The following PCDHA5 variants were observed in gnomAD, a reference collection of about 807,000 sequenced individuals.
PCDHA5 encodes the protein protocadherin alpha 5.
A neutral mutation model predicts 61.6 loss-of-function variants in PCDHA5; 43 were observed. That is an observed-to-expected ratio of 0.70 (90% CI 0.55 to 0.90). PCDHA5 has a LOEUF of 0.90. PCDHA5 is among the 40% of genes least tolerant of loss of function. The pLI is 0.00. For missense variants in PCDHA5, 1,298 were observed against 1,222.7 expected, an observed-to-expected ratio of 1.06 and a Z score of -0.92; for synonymous variants, 627 against 543.9, an observed-to-expected ratio of 1.15 and a Z score of -2.13.
intron 1 of PCDHA5, among the ~76,000 whole-genome samples, chr5:140,900,040 G>A (rs1407235485): frequency 4.6e-5 from 7 of 152,046 alleles, no homozygotes; most frequent in Non-Finnish European, 8.8e-5. Flanking sequence ...GAATTCCTGG[G>A]CTCAAGTGAT....
rs374162485 is a variant in PCDHA5 at position 140,856,517 on chromosome 5, T to A, written c.2352+32390T>A. 8 of 1,598,368 alleles carry A rather than the reference T, an allele frequency of 5.0e-6. 1 individual carries two copies. Among genetic ancestry groups the A allele is most frequent in the Non-Finnish European group, 6.0e-6 (7 of 1,167,940 alleles). On this transcript the variant is annotated intron_variant, in intron 1 of 3. Coordinates refer to ENST00000529859, the MANE Select transcript of PCDHA5 (RefSeq NM_018908.3). ...CTCTCGATTTCCACTAGAAGGCGCA[T>A]CTGATGCGGATGTTGGAGAGAACGC...
chr5:140,960,308 C>A (rs1387326739), intron 1 of PCDHA5, among the ~76,000 whole-genome samples: 1 of 152,122 alleles, frequency 6.6e-6, no homozygotes, highest in African/African-American at 2.4e-5. Flanking sequence ...CAATACCAAC[C>A]TCATTAGGGT....
chr5:141,007,037 T>C (rs1413139986), intron 3 of PCDHA5, among the ~76,000 whole-genome samples: 1 of 152,170 alleles, frequency 6.6e-6, no homozygotes, highest in Non-Finnish European at 1.5e-5. Flanking sequence ...TTTATATCTA[T>C]GGATATGGCT....
intron 1 of PCDHA5, among the ~76,000 whole-genome samples, chr5:140,959,119 G>A (rs576475580): frequency 3.3e-5 from 5 of 152,160 alleles, no homozygotes; most frequent in East Asian, 3.9e-4. Context: ...GAAGGTGGGC[G>A]AGGTGAGCCC....
chr5:140,824,150 C>A (rs147799360), intron 1 of PCDHA5, 23 bp downstream of exon 1: 1 of 1,611,190 alleles, frequency 6.2e-7, no homozygotes, highest in African/African-American at 1.3e-5. Flanking sequence ...ATATTAACAT[C>A]CATCTTTCCC....
intron 1 of PCDHA5, chr5:140,841,151 T>C (rs1777047208): frequency 1.2e-6 from 1 of 800,306 alleles, no homozygotes; most frequent in Admixed American, 3.0e-5. Flanking sequence ...GATGTCGCTG[T>C]CTACCAAGAA....
At chr5:140,922,863 G>A (rs1429324543) in intron 1 of PCDHA5, among the ~76,000 whole-genome samples, 10 of 152,160 alleles carry the variant, frequency 6.6e-5, no homozygotes, top group Admixed American at 5.2e-4. Context: ...ACATAGACAA[G>A]GGGAAAAAAT....
In PCDHA5 at chr5:140,927,786, A is replaced by G. The variant is rs782728309; in HGVS notation, c.2353-51163A>G. 11 of 1,614,074 alleles carry G rather than the reference A, an allele frequency of 6.8e-6. No homozygotes were observed. The East Asian group carries it at 2.0e-4, about 29-fold the overall frequency. On this transcript the variant is annotated intron_variant, in intron 1 of 3. Transcript: ENST00000529859. ...GTGGGGAGGTGCAAGTAGCTGCTTC[A>G]CTAGGTCCGCCTGAAACGCTCTTGG...
At chr5:140,832,741 C>T (rs1477110560) in intron 1 of PCDHA5, among the ~76,000 whole-genome samples, 7 of 152,038 alleles carry the variant, frequency 4.6e-5, no homozygotes, top group African/African-American at 1.4e-4. Context: ...TACATAAATA[C>T]GATGATAGTA....
At chr5:140,978,587 T>C (rs1260706970) in intron 1 of PCDHA5, among the ~76,000 whole-genome samples, 5 of 152,250 alleles carry the variant, frequency 3.3e-5, no homozygotes, top group Admixed American at 6.5e-5. Context: ...GAATGTTCCC[T>C]TAATGGGGCA....
In PCDHA5 at chr5:140,822,413, C is replaced by T. The variant is rs1156477485; in HGVS notation, c.638C>T (p.Ala213Val). 3 of 1,613,914 alleles carry T rather than the reference C, an allele frequency of 1.9e-6. No homozygotes were observed. The African/African-American group carries it at 4.0e-5, about 22-fold the overall frequency. Reference protein sequence around the residue: ...ETQEHRLLVIATDGGKPELTG... With the variant: ...ETQEHRLLVIVTDGGKPELTG... The stretch of plus-strand genomic sequence containing the variant: ...CAAGAACACCGTTTATTAGTGATTG[C>T]AACTGATGGAGGAAAACCCGAACTA... Residue 213 changes from alanine (A) to valine (V), a missense_variant, in exon 1 of 4, where the codon GCA (alanine) becomes GTA (valine). Transcript: ENST00000529859.
intron 1 of PCDHA5, among the ~76,000 whole-genome samples, chr5:140,896,384 C>T (rs778057567): frequency 2.0e-5 from 3 of 152,172 alleles, no homozygotes; most frequent in Non-Finnish European, 4.4e-5. Flanking sequence ...TCTGCAACCT[C>T]ACCAGCATCT....
intron 1 of PCDHA5, among the ~76,000 whole-genome samples, chr5:140,945,758 G>A (rs1483102794): frequency 6.6e-6 from 1 of 152,014 alleles, no homozygotes; most frequent in Non-Finnish European, 1.5e-5. Flanking sequence ...ATAAATGGTG[G>A]TGGGACAATT....
Position 140,877,726 on chromosome 5 carries a change from C to G in PCDHA5, c.2352+53599C>G, listed in dbSNP as rs781814794. On this transcript the variant is annotated intron_variant, in intron 1 of 3. Coordinates refer to ENST00000529859, the MANE Select transcript of PCDHA5 (RefSeq NM_018908.3). ...CGCCGTGGGGAGTTGGTCTTACTCGCAGCAGAGGAGGCAGAGGGTGTGCTC... is the reference window on the plus strand; with the variant it reads ...CGCCGTGGGGAGTTGGTCTTACTCGGAGCAGAGGAGGCAGAGGGTGTGCTC... 30 of 1,614,056 alleles carry G rather than the reference C, an allele frequency of 1.9e-5. No homozygotes were observed. In the African/African-American group the frequency reaches 3.7e-4, roughly 20 times the overall value.
At chr5:140,871,350 C>G (rs782168219) in intron 1 of PCDHA5, 1 of 1,614,194 alleles carries the variant, frequency 6.2e-7, no homozygotes, top group East Asian at 2.2e-5. Context: ...GCTGGTCATA[C>G]TCGCAGCAGA....
rs1016261014 is a variant in PCDHA5 at position 140,830,559 on chromosome 5, A to G, written c.2352+6432A>G. ...ATTGTTTTCCTCATATTTGTCTTCT[A>G]TATTTCTGTTTTTAATTTTTAATTA... On this transcript the variant is annotated intron_variant, in intron 1 of 3. Transcript: ENST00000529859. 69 of 1,015,108 alleles carry G rather than the reference A, an allele frequency of 6.8e-5. 1 individual carries two copies. Among genetic ancestry groups the G allele is most frequent in the African/African-American group, 1.5e-4 (9 of 59,492 alleles). The allele number at this position is 1,015,108 out of a possible 1,614,324, so 62.9% of individuals were successfully genotyped here.
chr5:140,916,202 C>A lies in PCDHA5; in HGVS notation c.2353-62747C>A, dbSNP rs185433174. 8.0e-3 allele frequency among the ~76,000 whole-genome samples: 1,218 copies of A among 152,262 alleles called. 6 individuals carry two copies. Among genetic ancestry groups the A allele is most frequent in the African/African-American group, 0.019 (787 of 41,550 alleles). The stretch of plus-strand genomic sequence containing the variant: ...TTCAAGGAAGTGGGCACCCCTCTGC[C>A]CTGGGGAAGATCCAAATATGCTTTC... On this transcript the variant is annotated intron_variant, in intron 1 of 3. Coordinates refer to ENST00000529859, the MANE Select transcript of PCDHA5 (RefSeq NM_018908.3).
At chr5:140,862,441 T>A (rs1429423701) in intron 1 of PCDHA5, 1 of 358,060 alleles carries the variant, frequency 2.8e-6, no homozygotes, top group Non-Finnish European at 5.5e-6. Context: ...TCGTTGGTAC[T>A]CCACAGCGCC....
chr5:140,926,929 G>T, intron 1 of PCDHA5: 2 of 1,575,722 alleles, frequency 1.3e-6, no homozygotes, highest in South Asian at 2.3e-5. Flanking sequence ...ATGTTTGTGG[G>T]TTTCCTGCGG....
Sources: allele counts gnomAD v4.1 joint callset (sites outside exome capture counted in the v4.1 genomes callset), GRCh38; gene constraint gnomAD v4.1.1; transcripts MANE v1.5; gene names NCBI Gene and HGNC (gene_info 2026-07-23, HGNC 2026-07-21).